The following CDC37 variants were observed in gnomAD, a reference collection of about 807,000 sequenced individuals.
CDC37 encodes the protein hsp90 co-chaperone Cdc37.
In CDC37, 9 loss-of-function variants were observed where a neutral mutation model predicts 46.9. The observed-to-expected ratio is 0.19, with a 90% confidence interval of 0.12 to 0.33. The LOEUF (loss-of-function observed/expected upper bound fraction) is 0.33, where lower values mean the gene tolerates loss of function less well. Ranked by LOEUF, CDC37 falls within the 10% of genes least tolerant of loss-of-function variation. The pLI is 1.00. For synonymous variants in CDC37, 193 were observed against 191.0 expected, an observed-to-expected ratio of 1.01 and a Z score of -0.09; for missense variants, 388 against 514.6, an observed-to-expected ratio of 0.75 and a Z score of 2.38.
rs1437036878 is a variant in CDC37 at position 10,395,143 on chromosome 19, T to G, written c.604A>C (p.Lys202Gln). 6.2e-7 allele frequency: 1 copy of G among 1,601,768 alleles called. No individual in the cohort carries two copies. Among genetic ancestry groups the G allele is most frequent in the African/African-American group, 1.3e-5 (1 of 74,674 alleles). Residue 202 changes from lysine (K) to glutamine (Q), a missense_variant and splice_region_variant, in exon 5 of 8, where the codon AAA becomes CAA. Lys to Gln is a moderately conservative substitution (Grantham distance 53). This residue lies in a region of CDC37 where 374 missense variants were observed against 467.4 expected (regional missense o/e 0.80). Transcript: ENST00000222005. ...IWCIDLEVEE[K>Q]CALMEQVAHQ... ...GCCACCTGCTCCATGAGTGCACATT[T>G]CTGCCAGGAAGAACAGGCACAGCGT...
At chr19:10,391,850 G>A in intron 7 of CDC37, 144 bp from the exon 8 acceptor site, 1 of 814,852 alleles carries the variant, frequency 1.2e-6, no homozygotes, top group Non-Finnish European at 1.9e-6. Context: ...TGTCACCCAG[G>A]CTGGAGTGCA....
In CDC37 at chr19:10,395,330, G is replaced by A; in HGVS notation, c.501C>T (p.Arg167=). Residue 167 remains arginine (R), a synonymous_variant, in exon 4 of 8, where the codon CGC becomes CGT. Coordinates refer to ENST00000222005, the MANE Select transcript of CDC37 (RefSeq NM_007065.4). ...ACAGGTACTTTTGGCTGTCATCCCA[G>A]CGGCGAAGCATGCCTGTGGGAAGAT... ...KQIKHFGMLR[R]WDDSQKYLSD... 6.2e-7 allele frequency: 1 copy of A among 1,614,140 alleles called. No homozygotes were observed.
intron 1 of CDC37, among the ~76,000 whole-genome samples, chr19:10,400,868 AATG>A (rs562323110): frequency 3.3e-5 from 5 of 152,086 alleles, no homozygotes; most frequent in African/African-American, 4.8e-5. Flanking sequence ...AAATTATTTA[AATG>A]ATGATGATGA....
intron 7 of CDC37, 95 bp downstream of exon 7, chr19:10,392,991 G>T: frequency 8.9e-7 from 1 of 1,123,178 alleles, no homozygotes; most frequent in South Asian, 1.2e-5. Context: ...AGCCTTGGAG[G>T]GGCACTTTCA....
chr19:10,395,904 G>GGGGGCCCCC, intron 2 of CDC37, 24 bp downstream of exon 2: 10 of 1,541,884 alleles, frequency 6.5e-6, no homozygotes, highest in African/African-American at 1.4e-5. Flanking sequence ...CATGCGCACT[G>GGGGGCCCCC]CCCGCCCCGC....
chr19:10,393,016 A>G lies in CDC37; in HGVS notation c.981+70T>C. ...GGGCACTTTCACCAGCCGGCTTCAG[A>G]GACTTGGGACACAGGGCTGGGGGAG... On this transcript the variant is annotated intron_variant, in intron 7 of 7. Transcript: ENST00000222005. The surrounding 1 kb of genome is among the most constrained non-coding windows in gnomAD (Gnocchi z 4.9). 7.1e-7 allele frequency: 1 copy of G among 1,416,542 alleles called. No homozygotes were observed. Among genetic ancestry groups the G allele is most frequent in the Non-Finnish European group, 1.0e-6 (1 of 1,001,178 alleles). The allele number at this position is 1,416,542 out of a possible 1,614,324, so 87.7% of individuals were successfully genotyped here. A position where few individuals can be genotyped will look rare whatever the true frequency, so the allele number is the denominator to read the frequency against.
chr19:10,403,201 A>C (rs971729549), intron 1 of CDC37, among the ~76,000 whole-genome samples, 177 bp downstream of exon 1: 1 of 152,038 alleles, frequency 6.6e-6, no homozygotes, highest in Non-Finnish European at 1.5e-5. Context: ...GATCCAGGGC[A>C]GGGACTCAGG....
At chr19:10,395,795 T>G in intron 2 of CDC37, 133 bp downstream of exon 2, 1 of 391,010 alleles carries the variant, frequency 2.6e-6, no homozygotes, top group Non-Finnish European at 4.0e-6. Flanking sequence ...ATCCCTCAGC[T>G]CCCCGCCCCC....
chr19:10,403,186 G>A (rs190308520), intron 1 of CDC37, among the ~76,000 whole-genome samples, 192 bp downstream of exon 1: 5 of 152,216 alleles, frequency 3.3e-5, no homozygotes, highest in Admixed American at 3.3e-4. Context: ...GAGTGGGGGA[G>A]CGGAGATCCA....
At chr19:10,392,757 C>T in intron 7 of CDC37, 1 of 388,268 alleles carries the variant, frequency 2.6e-6, no homozygotes, top group South Asian at 3.4e-5. Context: ...CCAGCCCCTG[C>T]CATGTGCTCA....
Position 10,398,126 on chromosome 19 carries a change from AG to A in CDC37, c.103-1924del. On this transcript the variant is annotated intron_variant, in intron 1 of 7. Coordinates refer to ENST00000222005, the MANE Select transcript of CDC37 (RefSeq NM_007065.4). The surrounding 1 kb of genome is among the most constrained non-coding windows in gnomAD (Gnocchi z 4.2). ...AATCCAGGCACAGCTGCCACCAGGGAGGCCTGTGAAGCCCATGCATTTGACC... is the reference window on the plus strand; with the variant it reads ...AATCCAGGCACAGCTGCCACCAGGGAGCCTGTGAAGCCCATGCATTTGACC... Among the ~76,000 whole-genome samples, 1 of 152,150 alleles carries A rather than the reference AG, an allele frequency of 6.6e-6. No individual in the cohort carries two copies. The highest frequency in any genetic ancestry group is 1.9e-4 in the East Asian group (1 of 5,194).
Position 10,400,885 on chromosome 19 carries a change from T to C in CDC37, c.102+2493A>G, listed in dbSNP as rs975331959. ...ATTATTTAAATGATGATGATGATAA[T>C]AGCCACTGCCCCAAAAGGATTACAA... On this transcript the variant is annotated intron_variant, in intron 1 of 7. Transcript: ENST00000222005. Among the ~76,000 whole-genome samples the C allele has an allele frequency of 3.9e-5, 6 of 151,926 alleles. No homozygotes were observed. The East Asian group carries it at 1.2e-3, about 29-fold the overall frequency.
rs1212952635 is a variant in CDC37 at position 10,396,483 on chromosome 19, A to AC, written c.103-281dup. Among the ~76,000 whole-genome samples the AC allele has an allele frequency of 6.6e-6, 1 of 151,436 alleles. No homozygotes were observed. The highest frequency in any genetic ancestry group is 1.5e-5 in the Non-Finnish European group (1 of 67,868). On this transcript the variant is annotated intron_variant, in intron 1 of 7. Transcript: ENST00000222005. The surrounding 1 kb of genome is among the most constrained non-coding windows in gnomAD (Gnocchi z 5.9). The stretch of plus-strand genomic sequence containing the variant: ...TGGGCCCTACACAATCTGCCTCGGC[A>AC]CCTCCCCTGGTAACTCTTCCTTCCA...
intron 1 of CDC37, among the ~76,000 whole-genome samples, chr19:10,397,227 G>C (rs2042496899): frequency 6.6e-6 from 1 of 152,086 alleles, no homozygotes; most frequent in South Asian, 2.1e-4. Flanking sequence ...CAAAGCACGG[G>C]CTCAGCAAAT....
chr19:10,394,911 G>A, intron 5 of CDC37, 110 bp downstream of exon 5: 1 of 1,184,380 alleles, frequency 8.4e-7, no homozygotes, highest in Non-Finnish European at 1.2e-6. Flanking sequence ...AGGATGCGGT[G>A]ACTGGAGGGG....
At position 10,396,751 on chromosome 19, in the gene CDC37, A is replaced by C. The variant is rs2042494516; in HGVS notation, c.103-548T>G. 6.6e-6 allele frequency among the ~76,000 whole-genome samples: 1 copy of C among 151,896 alleles called. No individual in the cohort carries two copies. Among genetic ancestry groups the C allele is most frequent in the Non-Finnish European group, 1.5e-5 (1 of 67,968 alleles). ...ACGCCCAGCTAATTTTTGTATTTTC[A>C]GTAAAGATGGGGTTTGCCATGTTGC... On this transcript the variant is annotated intron_variant, in intron 1 of 7. Transcript: ENST00000222005. The surrounding 1 kb of genome is among the most constrained non-coding windows in gnomAD (Gnocchi z 5.9).
intron 1 of CDC37, among the ~76,000 whole-genome samples, chr19:10,397,890 C>A (rs1458909774): frequency 6.6e-6 from 1 of 152,120 alleles, no homozygotes; most frequent in Non-Finnish European, 1.5e-5. Flanking sequence ...AACAGTGCCT[C>A]ATCTCCTCAG....
At chr19:10,399,301 T>A (rs1978339795) in intron 1 of CDC37, among the ~76,000 whole-genome samples, 2 of 150,456 alleles carry the variant, frequency 1.3e-5, no homozygotes, top group Admixed American at 1.3e-4. Flanking sequence ...AAACCCCGTC[T>A]CTCCTAAGAA....
chr19:10,398,931 C>G lies in CDC37; in HGVS notation c.103-2728G>C, dbSNP rs146170073. 6.6e-6 allele frequency among the ~76,000 whole-genome samples: 1 copy of G among 152,278 alleles called. No homozygotes were observed. Among genetic ancestry groups the G allele is most frequent in the Non-Finnish European group, 1.5e-5 (1 of 68,024 alleles). On this transcript the variant is annotated intron_variant, in intron 1 of 7. Coordinates refer to ENST00000222005, the MANE Select transcript of CDC37 (RefSeq NM_007065.4). This position sits in a 1 kb window ranked among gnomAD's most constrained non-coding sequence, Gnocchi z 4.2. ...GAGTCTCACAGGATCGCCGTGAGAA[C>G]TGAATGACTAACTCTATGGAAAATG...
Sources: allele counts gnomAD v4.1 joint callset (sites outside exome capture counted in the v4.1 genomes callset), GRCh38; gene constraint gnomAD v4.1.1; regional missense constraint gnomAD v4.1.1; non-coding constraint Gnocchi (gnomAD v3.1); transcripts MANE v1.5; gene names NCBI Gene and HGNC (gene_info 2026-07-23, HGNC 2026-07-21).